EIF3H: variants seen among roughly 807,000 people sequenced by gnomAD.
EIF3H encodes eukaryotic translation initiation factor 3 subunit H.
Under a neutral mutation model 44.2 loss-of-function variants are expected in EIF3H, and 26 were observed. The ratio of observed to expected loss-of-function variants is 0.59; its 90% CI spans 0.43 to 0.82. EIF3H has a LOEUF of 0.82. EIF3H is among the 40% of genes least tolerant of loss of function. The pLI is 0.00. For missense variants in EIF3H, 359 were observed against 432.8 expected, an observed-to-expected ratio of 0.83 and a Z score of 1.51; for synonymous variants, 166 against 151.9, an observed-to-expected ratio of 1.09 and a Z score of -0.68.
intron 5 of EIF3H, among the ~76,000 whole-genome samples, chr8:116,652,871 T>C (rs953927854): frequency 3.9e-5 from 6 of 152,172 alleles, no homozygotes; most frequent in African/African-American, 1.4e-4. Context: ...CAGGAGGCAC[T>C]AGCTTCAGGT....
chr8:116,657,078 C>T (rs1813503234), intron 4 of EIF3H, 137 bp downstream of exon 4: 1 of 715,362 alleles, frequency 1.4e-6, no homozygotes, highest in African/African-American at 1.8e-5. Context: ...GCAAGCAGCA[C>T]TCGGCATGCA....
chr8:116,692,066 C>T (rs968303451), intron 2 of EIF3H, among the ~76,000 whole-genome samples: 1 of 152,160 alleles, frequency 6.6e-6, no homozygotes, highest in Non-Finnish European at 1.5e-5. Context: ...TTAAGTAGTA[C>T]AGCTTTCTAG....
At chr8:116,753,271 T>C (rs541333598) in intron 1 of EIF3H, among the ~76,000 whole-genome samples, 13 of 152,228 alleles carry the variant, frequency 8.5e-5, no homozygotes, top group African/African-American at 2.9e-4. Context: ...AGCACAGAGG[T>C]ACCCACCACC....
chr8:116,667,610 G>A (rs1813691343), intron 2 of EIF3H, among the ~76,000 whole-genome samples: 2 of 152,314 alleles, frequency 1.3e-5, no homozygotes, highest in African/African-American at 4.8e-5. Context: ...TCTATCAGAA[G>A]TGAGCACTAA....
intron 4 of EIF3H, among the ~76,000 whole-genome samples, chr8:116,656,633 G>A (rs1191922042): frequency 6.6e-6 from 1 of 152,114 alleles, no homozygotes; most frequent in African/African-American, 2.4e-5. Context: ...CATTAATTTT[G>A]ATTCAATAAG....
intron 2 of EIF3H, among the ~76,000 whole-genome samples, chr8:116,701,286 G>A (rs938036444): frequency 6.6e-6 from 1 of 152,108 alleles, no homozygotes; most frequent in Non-Finnish European, 1.5e-5. Context: ...AAATATTGGG[G>A]ATAAATAAAT....
At chr8:116,686,806 A>G (rs1217776112) in intron 2 of EIF3H, among the ~76,000 whole-genome samples, 1 of 152,142 alleles carries the variant, frequency 6.6e-6, no homozygotes, top group African/African-American at 2.4e-5. Flanking sequence ...ATAAAAAATA[A>G]AAAGTGAAAG....
chr8:116,755,292 G>A (rs1815420977), intron 1 of EIF3H, among the ~76,000 whole-genome samples: 1 of 152,172 alleles, frequency 6.6e-6, no homozygotes, highest in African/African-American at 2.4e-5. Flanking sequence ...AATCAGTGGA[G>A]TTTCCTTACT....
intron 7 of EIF3H, among the ~76,000 whole-genome samples, 157 bp from the exon 8 acceptor site, chr8:116,645,260 T>C (rs1249569051): frequency 2.0e-5 from 3 of 152,192 alleles, no homozygotes; most frequent in African/African-American, 7.2e-5. Context: ...AAATACAAGT[T>C]CTTTTGAAAA....
At chr8:116,651,704 A>G (rs1813396632) in intron 5 of EIF3H, among the ~76,000 whole-genome samples, 1 of 152,176 alleles carries the variant, frequency 6.6e-6, no homozygotes, top group East Asian at 1.9e-4. Context: ...CTCTGGATAC[A>G]ATGTATTTGC....
At chr8:116,660,005 G>C (rs1813557791) in intron 2 of EIF3H, among the ~76,000 whole-genome samples, 1 of 151,960 alleles carries the variant, frequency 6.6e-6, no homozygotes, top group South Asian at 2.1e-4. Context: ...TTTTGATTTA[G>C]CCTCCCAAGT....
At chr8:116,703,288 G>C (rs1814409359) in intron 2 of EIF3H, among the ~76,000 whole-genome samples, 1 of 152,150 alleles carries the variant, frequency 6.6e-6, no homozygotes, top group Admixed American at 6.5e-5. Flanking sequence ...AGGGCCACTA[G>C]AGGGCTCCCT....
At position 116,646,531 on chromosome 8, in the gene EIF3H, G is replaced by T. The variant is rs1317562997; in HGVS notation, c.901C>A (p.Leu301Met). ...RGEPPLPEED[L>M]SKLFKPPQPP... Reference sequence around the variant, plus strand: ...TGTGGTGGTTTGAAGAGTTTGGACAGGTCCTCCTCAGGGAGCGGGGGTTCT... The same window carrying T: ...TGTGGTGGTTTGAAGAGTTTGGACATGTCCTCCTCAGGGAGCGGGGGTTCT... Residue 301 changes from leucine (L) to methionine (M), a missense_variant, in exon 7 of 8, where the codon CTG becomes ATG. By Grantham distance (15) the Leu-to-Met change is conservative (BLOSUM62 2). Coordinates refer to ENST00000521861, the MANE Select transcript of EIF3H (RefSeq NM_003756.3). 6 of 1,614,180 alleles carry T rather than the reference G, an allele frequency of 3.7e-6. No individual in the cohort carries two copies. Among genetic ancestry groups the T allele is most frequent in the Non-Finnish European group, 5.1e-6 (6 of 1,180,016 alleles).
chr8:116,677,380 G>A (rs183503473), intron 2 of EIF3H, among the ~76,000 whole-genome samples: 226 of 152,164 alleles, frequency 1.5e-3, no homozygotes, highest in Non-Finnish European at 2.4e-3. Flanking sequence ...AAAACTGTTC[G>A]ATGATGGTTA....
intron 2 of EIF3H, among the ~76,000 whole-genome samples, chr8:116,722,093 G>T (rs551771090): frequency 6.6e-6 from 1 of 152,268 alleles, no homozygotes; most frequent in African/African-American, 2.4e-5. Flanking sequence ...ATCTTGAATT[G>T]TGGCTCCCAT....
At chr8:116,698,416 C>T (rs1267738599) in intron 2 of EIF3H, among the ~76,000 whole-genome samples, 1 of 152,090 alleles carries the variant, frequency 6.6e-6, no homozygotes, top group Non-Finnish European at 1.5e-5. Flanking sequence ...CCTATCTACC[C>T]CATCTTCATT....
At chr8:116,743,795 TATAA>T (rs1230361575) in intron 1 of EIF3H, among the ~76,000 whole-genome samples, 8 of 48,386 alleles carry the variant, frequency 1.7e-4, no homozygotes, top group African/African-American at 6.1e-4. Context: ...TATATATATA[TATAA>T]ACACACACAC....
In EIF3H at chr8:116,655,898, G is replaced by C. The variant is rs918496213; in HGVS notation, c.665C>G (p.Ser222Ter). The change falls in exon 5 of 8, where the codon TCA becomes TGA. Residue 222 changes from serine (S) to a stop codon, truncating the protein, a stop_gained. Coordinates refer to ENST00000521861, the MANE Select transcript of EIF3H (RefSeq NM_003756.3). LOFTEE classifies it high-confidence loss of function. Reference protein sequence around the residue: ...NVLMWELEKKSAVADKHELLS... With the variant: ...NVLMWELEKK Reference sequence around the variant, plus strand: ...CAATTCATGTTTATCTGCAACAGCTGACTTCTTTTCAAGTTCCCACATTAG... The same window carrying C: ...CAATTCATGTTTATCTGCAACAGCTCACTTCTTTTCAAGTTCCCACATTAG... 1 of 1,613,726 alleles carries C rather than the reference G, an allele frequency of 6.2e-7. No homozygotes were observed. The highest frequency in any genetic ancestry group is 8.5e-7 in the Non-Finnish European group (1 of 1,179,742).
rs556318362 is a variant in EIF3H, at chr8:116,689,178, A to G, written c.290-30198T>C. 4.3e-4 allele frequency: 181 copies of G among 423,842 alleles called. 2 individuals are homozygous for G. The highest frequency in any genetic ancestry group is 2.1e-3 in the South Asian group (127 of 59,418). 26.3% of individuals were successfully genotyped at this position (423,842 alleles called of 1,614,324 possible). On this transcript the variant is annotated intron_variant, in intron 2 of 7. Transcript: ENST00000521861. Reference sequence around the variant, plus strand: ...ATTTTAGTGAAATAAGTCAGAGACAAAAGGACAAATATTGTATAATTCCAC... The same window carrying G: ...ATTTTAGTGAAATAAGTCAGAGACAGAAGGACAAATATTGTATAATTCCAC...
Sources: allele counts gnomAD v4.1 joint callset (sites outside exome capture counted in the v4.1 genomes callset), GRCh38; gene constraint gnomAD v4.1.1; transcripts MANE v1.5; gene names NCBI Gene and HGNC (gene_info 2026-07-23, HGNC 2026-07-21).